The following PLEC variants were observed in gnomAD, a reference collection of about 807,000 sequenced individuals.
PLEC encodes the protein hemidesmosomal protein 1.
In PLEC, 216 loss-of-function variants were observed where a neutral mutation model predicts 392.8. The ratio of observed to expected loss-of-function variants is 0.55; its 90% CI spans 0.49 to 0.62. The LOEUF is 0.62. PLEC is among the 20% of genes least tolerant of loss of function. The pLI, the probability that PLEC is intolerant of heterozygous loss-of-function variation, is 0.00. For synonymous variants in PLEC, 3,621 were observed against 2,980.6 expected (o/e 1.21, Z -7.00); for missense variants, 6,863 against 6,563.4 (o/e 1.05, Z -1.58).
In PLEC at chr8:143,927,439, CCTGG is replaced by C. The variant is rs782633455; in HGVS notation, c.3723_3726del (p.Ser1241ArgfsTer46). On this transcript the variant is annotated frameshift_variant, in exon 27 of 32. Coordinates refer to ENST00000345136, the MANE Select transcript of PLEC (RefSeq NM_201384.3). LOFTEE classifies it high-confidence loss of function. ...TCCTGCCGCAGCTGCTCCCGCACAG[CCTGG>C]CTGTCGGCCAGCGGCATGGCCTGGA... 2 of 1,600,400 alleles carry C rather than the reference CCTGG, an allele frequency of 1.2e-6. No individual in the cohort carries two copies. Among genetic ancestry groups the C allele is most frequent in the Non-Finnish European group, 8.5e-7 (1 of 1,178,648 alleles).
rs782199112 is a variant in PLEC at position 143,933,188 on chromosome 8, G to A, written c.1418+9C>T. On this transcript the variant is annotated intron_variant, in intron 13 of 31. Coordinates refer to ENST00000345136, the MANE Select transcript of PLEC (RefSeq NM_201384.3). ...ACCTGGGCTTCAGGGAGGGCAGGGC[G>A]GGGCCCACCTGCGGTACATCTGCTC... The A allele has an allele frequency of 1.4e-5, 22 of 1,611,764 alleles. No homozygotes were observed. Among genetic ancestry groups the A allele is most frequent in the Middle Eastern group, 1.6e-4 (1 of 6,070 alleles).
chr8:143,919,582 C>T lies in PLEC; in HGVS notation c.10239G>A (p.Val3413=). Reference sequence around the variant, plus strand: ...GCTCGGGGCCCACCACGCCCGCCTTCACGGCCTCGTGGACATACAGGCGCT... The same window carrying T: ...GCTCGGGGCCCACCACGCCCGCCTTTACGGCCTCGTGGACATACAGGCGCT... ...RNQRLYVHEA[V]KAGVVGPELH... Residue 3413 remains valine (V), a synonymous_variant, in exon 32 of 32, where the codon GTG becomes GTA. Coordinates refer to ENST00000345136, the MANE Select transcript of PLEC (RefSeq NM_201384.3). 3 of 1,601,396 alleles carry T rather than the reference C, an allele frequency of 1.9e-6. No individual in the cohort carries two copies. The highest frequency in any genetic ancestry group is 2.6e-6 in the Non-Finnish European group (3 of 1,175,628).
rs782581449 is a variant in PLEC at position 143,922,774 on chromosome 8, G to C, written c.7155C>G (p.Leu2385=). ...QLEMSAEAER[L]KLRVAEMSRA... is the part of the protein sequence containing the mutation. The stretch of plus-strand genomic sequence containing the variant: ...GGCTCATCTCGGCCACACGCAGCTT[G>C]AGGCGCTCAGCCTCAGCGCTCATCT... Residue 2385 remains leucine, a synonymous_variant, in exon 31 of 32, where the codon CTC becomes CTG. Coordinates refer to ENST00000345136, the MANE Select transcript of PLEC (RefSeq NM_201384.3). The C allele has an allele frequency of 4.4e-6, 7 of 1,604,694 alleles. No homozygotes were observed. The East Asian group carries it at 1.6e-4, about 36-fold the overall frequency.
At position 143,927,592 on chromosome 8, in the gene PLEC, G is replaced by A. The variant is rs782377408; in HGVS notation, c.3574C>T (p.Leu1192=). 2 of 1,588,164 alleles carry A rather than the reference G, an allele frequency of 1.3e-6. No individual in the cohort carries two copies. The highest frequency in any genetic ancestry group is 3.4e-5 in the Admixed American group (2 of 58,722). Residue 1192 remains leucine (L), a synonymous_variant, in exon 27 of 32, where the codon CTG becomes TTG. Transcript: ENST00000345136. ...AQLLERWQAV[L]AQTDVRQREL... ...CGCTGCCGCACGTCGGTCTGGGCCA[G>A]CACAGCCTGCCAGCGCTCAAGCAAC...
intron 1 of PLEC, chr8:143,946,252 C>A: frequency 1.1e-6 from 1 of 907,204 alleles, no homozygotes; most frequent in Non-Finnish European, 1.5e-6. Context: ...CCAGGTCTGA[C>A]GGCACAGAAC....
rs201558085 is a variant in PLEC at position 143,923,302 on chromosome 8, C to A, written c.6627G>T (p.Leu2209=). Residue 2209 remains leucine (L), a synonymous_variant, in exon 31 of 32, where the codon CTG becomes CTT. Transcript: ENST00000345136. The stretch of plus-strand genomic sequence containing the variant: ...CCGTGGCCTCCGCCTTCAGCCGCTG[C>A]AGCTCCTCGTCCAGCAGGTTCTTCT... ...DHQKNLLDEE[L]QRLKAEATEA... is the part of the protein sequence containing the mutation. 1 of 1,609,210 alleles carries A rather than the reference C, an allele frequency of 6.2e-7. No homozygotes were observed. Among genetic ancestry groups the A allele is most frequent in the East Asian group, 2.2e-5 (1 of 44,846 alleles).
rs782479709 is a variant in PLEC at position 143,921,120 on chromosome 8, C to A, written c.8701G>T (p.Ala2901Ser). 2 of 1,612,724 alleles carry A rather than the reference C, an allele frequency of 1.2e-6. No individual in the cohort carries two copies. Among genetic ancestry groups the A allele is most frequent in the East Asian group, 4.5e-5 (2 of 44,884 alleles). The change falls in exon 32 of 32, where the codon GCC (alanine) becomes TCC (serine). Residue 2901 changes from alanine to serine, a missense_variant. Transcript: ENST00000345136. ...GTGGCCTTCTCAAAGACGTCCCGGG[C>A]CTCGGAGTCAGTGTAGACCAGCTCC... is the stretch of plus-strand genomic sequence containing the variant. ...GGELVYTDSE[A>S]RDVFEKATVS...
In PLEC at chr8:143,934,174, C is replaced by T. The variant is rs11782331; in HGVS notation, c.1170-83G>A. ...ACAGACTGCAGCTCGCCTCCCGCTC[C>T]GGTCTCCCTGGCTGTGGCCCACTGT... is the stretch of plus-strand genomic sequence containing the variant. On this transcript the variant is annotated intron_variant, in intron 11 of 31. Transcript: ENST00000345136. 15 of 1,584,738 alleles carry T rather than the reference C, an allele frequency of 9.5e-6. No homozygotes were observed. In the East Asian group the frequency reaches 1.1e-4, roughly 12 times the overall value.
At position 143,924,507 on chromosome 8, in the gene PLEC, C is replaced by T. The variant is rs1824198487; in HGVS notation, c.5422G>A (p.Ala1808Thr). ...ELAEEAARLR[A>T]LAEEAKRQRQ... ...TGCCGCTTGGCCTCTTCCGCCAGGG[C>T]ACGCAGGCGGGCGGCCTCCTCGGCC... Residue 1808 changes from alanine (A) to threonine (T), a missense_variant, in exon 31 of 32, where the codon GCC (alanine) becomes ACC (threonine). By Grantham distance (58) the Ala-to-Thr change is moderately conservative. Transcript: ENST00000345136. 2 of 1,542,652 alleles carry T rather than the reference C, an allele frequency of 1.3e-6. No individual in the cohort carries two copies. Among genetic ancestry groups the T allele is most frequent in the Non-Finnish European group, 1.7e-6 (2 of 1,151,096 alleles).
Position 143,920,540 on chromosome 8 carries a change from T to C in PLEC, c.9281A>G (p.Lys3094Arg). 2 of 1,611,610 alleles carry C rather than the reference T, an allele frequency of 1.2e-6. No homozygotes were observed. The highest frequency in any genetic ancestry group is 1.7e-6 in the Non-Finnish European group (2 of 1,179,656). Residue 3094 changes from lysine (K) to arginine (R), a missense_variant, in exon 32 of 32, where the codon AAG (lysine) becomes AGG (arginine). Coordinates refer to ENST00000345136, the MANE Select transcript of PLEC (RefSeq NM_201384.3). ...AGLVGPEFHE[K>R]LLSAEKAVTG... ...CACAGCCTTCTCGGCTGATAGCAGC[T>C]TCTCATGAAACTCGGGGCCCACCAG...
Position 143,922,296 on chromosome 8 carries a change from T to C in PLEC, c.7525A>G (p.Ile2509Val). 1 of 1,607,578 alleles carries C rather than the reference T, an allele frequency of 6.2e-7. No individual in the cohort carries two copies. Among genetic ancestry groups the C allele is most frequent in the Non-Finnish European group, 8.5e-7 (1 of 1,179,754 alleles). ...TCCAGCTTGGCCTTCTCCTGCTCGA[T>C]GAAGCGCTCCCGCTGTAGCAGGCTG... ...KDSLLQRERF[I>V]EQEKAKLEQL... is the part of the protein sequence containing the mutation. Residue 2509 changes from isoleucine (I) to valine (V), a missense_variant, in exon 32 of 32, where the codon ATC becomes GTC. By Grantham distance (29) the Ile-to-Val change is conservative. Transcript: ENST00000345136.
chr8:143,921,636 G>A lies in PLEC; in HGVS notation c.8185C>T (p.Leu2729=), dbSNP rs376462203. 1.2e-5 allele frequency: 19 copies of A among 1,612,928 alleles called. No homozygotes were observed. Among genetic ancestry groups the A allele is most frequent in the Non-Finnish European group, 1.6e-5 (19 of 1,179,910 alleles). ...QLLSPGTALI[L]LEAQAASGFL... The stretch of plus-strand genomic sequence containing the variant: ...CCTGAGGCCGCCTGCGCCTCCAGCA[G>A]GATGAGGGCCGTGCCGGGACTCAGC... Residue 2729 remains leucine (L), a synonymous_variant, in exon 32 of 32, where the codon CTG becomes TTG. Transcript: ENST00000345136.
At chr8:143,944,673 T>C (rs782083189) in intron 1 of PLEC, 3 of 1,335,194 alleles carry the variant, frequency 2.2e-6, no homozygotes, top group Non-Finnish European at 2.9e-6. Context: ...TCGGGGACGG[T>C]GGCAGGAGCC....
rs781787104 is a variant in PLEC at position 143,927,957 on chromosome 8, T to A, written c.3296A>T (p.Gln1099Leu). The change falls in exon 26 of 32, where the codon CAG becomes CTG. Residue 1099 changes from glutamine to leucine, a missense_variant. Physicochemically the swap from Gln to Leu is moderately radical, Grantham distance 113. Coordinates refer to ENST00000345136, the MANE Select transcript of PLEC (RefSeq NM_201384.3). ...KTISLVIRGTQGAEEVLRAHE... is the reference protein window; with the variant it reads ...KTISLVIRGTLGAEEVLRAHE... ...GGCCCTGAGCACCTCCTCGGCCCCC[T>A]GCGTGCCGCGGATCACCAGGCTGAT... 1 of 1,601,636 alleles carries A rather than the reference T, an allele frequency of 6.2e-7. No homozygotes were observed. Among genetic ancestry groups the A allele is most frequent in the Non-Finnish European group, 8.5e-7 (1 of 1,172,188 alleles).
intron 23 of PLEC, 26 bp downstream of exon 23, chr8:143,929,620 A>G: frequency 1.2e-6 from 2 of 1,608,242 alleles, no homozygotes; most frequent in South Asian, 2.2e-5. Context: ...CACCAGCCCA[A>G]CCGCCCCAGC....
intron 3 of PLEC, 121 bp downstream of exon 3, chr8:143,938,030 C>A: frequency 4.2e-6 from 3 of 716,942 alleles, no homozygotes; most frequent in Admixed American, 4.2e-5. Flanking sequence ...AGGGAGAAGG[C>A]AGGAGGGGTT....
chr8:143,932,450 C>T lies in PLEC; in HGVS notation c.1927G>A (p.Asp643Asn), dbSNP rs375857355. ...NEKEEEEVGF[D>N]WSDRNTNMTA... is the part of the protein sequence containing the mutation. Reference sequence around the variant, plus strand: ...ATGTTGGTGTTGCGGTCGCTCCAGTCGAAGCCCACCTCCTCCTCCTCCTTC... The same window carrying T: ...ATGTTGGTGTTGCGGTCGCTCCAGTTGAAGCCCACCTCCTCCTCCTCCTTC... The change falls in exon 16 of 32, where the codon GAC becomes AAC. Residue 643 changes from aspartate (D) to asparagine (N), a missense_variant. Transcript: ENST00000345136. 10 of 1,612,724 alleles carry T rather than the reference C, an allele frequency of 6.2e-6. No individual in the cohort carries two copies. Among genetic ancestry groups the T allele is most frequent in the Admixed American group, 1.7e-5 (1 of 59,998 alleles).
Position 143,922,515 on chromosome 8 carries a change from T to C in PLEC, c.7414A>G (p.Lys2472Glu). Residue 2472 changes from lysine to glutamate, a missense_variant, in exon 31 of 32, where the codon AAG becomes GAG. Lys to Glu is a moderately conservative substitution (Grantham distance 56). Transcript: ENST00000345136. Reference sequence around the variant, plus strand: ...AGAGGGGGCGGTACCTCCTCAGACTTGAGCTGCAGCAGTTTGGCCTCCTGT... The same window carrying C: ...AGAGGGGGCGGTACCTCCTCAGACTCGAGCTGCAGCAGTTTGGCCTCCTGT... Reference protein sequence around the residue: ...LQQEAKLLQLKSEEMQTVQQE... With the variant: ...LQQEAKLLQLESEEMQTVQQE... 1 of 1,610,004 alleles carries C rather than the reference T, an allele frequency of 6.2e-7. No homozygotes were observed. Among genetic ancestry groups the C allele is most frequent in the Non-Finnish European group, 8.5e-7 (1 of 1,179,966 alleles).
intron 25 of PLEC, among the ~76,000 whole-genome samples, 186 bp downstream of exon 25, chr8:143,928,917 G>A (rs759287261): frequency 9.2e-5 from 14 of 152,158 alleles, no homozygotes; most frequent in Non-Finnish European, 1.8e-4. Flanking sequence ...CTGTCGAAGC[G>A]TATCCAGCCC....
Sources: allele counts gnomAD v4.1 joint callset (sites outside exome capture counted in the v4.1 genomes callset), GRCh38; gene constraint gnomAD v4.1.1; transcripts MANE v1.5; gene names NCBI Gene and HGNC (gene_info 2026-07-23, HGNC 2026-07-21).